Variants in PEX5L observed in about 807,000 individuals in gnomAD.
The protein encoded by PEX5L is PEX5-related protein.
In PEX5L, 30 loss-of-function variants were observed where a neutral mutation model predicts 84.0. That is an observed-to-expected ratio of 0.36 (90% CI 0.27 to 0.48). The LOEUF (loss-of-function observed/expected upper bound fraction) is 0.48. Ranked by LOEUF, PEX5L falls within the 20% of genes least tolerant of loss-of-function variation. The pLI, the probability that PEX5L is intolerant of heterozygous loss-of-function variation, is 0.99. For missense variants in PEX5L, 533 were observed against 754.6 expected, an observed-to-expected ratio of 0.71 and a Z score of 3.44; for synonymous variants, 270 against 283.1, an observed-to-expected ratio of 0.95 and a Z score of 0.46.
At chr3:179,996,143 C>T (rs1412126344) in intron 1 of PEX5L, among the ~76,000 whole-genome samples, 1 of 152,046 alleles carries the variant, frequency 6.6e-6, no homozygotes, top group Non-Finnish European at 1.5e-5. Flanking sequence ...CCCCCAACAC[C>T]CCTGTTAGCT....
At chr3:179,844,467 T>A (rs1348628560) in intron 8 of PEX5L, among the ~76,000 whole-genome samples, 3 of 152,160 alleles carry the variant, frequency 2.0e-5, no homozygotes. Flanking sequence ...CAAAAATAGA[T>A]CATTTTGGAA....
At chr3:179,967,005 T>C (rs1534024) in intron 2 of PEX5L, among the ~76,000 whole-genome samples, 119,309 of 152,184 alleles carry the variant, frequency 0.78, 47,320 homozygotes, top group East Asian at 0.96. Context: ...GGCATTTATC[T>C]CCTGACAAAG....
At chr3:179,956,819 G>T (rs532186068) in intron 2 of PEX5L, among the ~76,000 whole-genome samples, 1 of 152,314 alleles carries the variant, frequency 6.6e-6, no homozygotes, top group African/African-American at 2.4e-5. Context: ...GATATGAAAA[G>T]ATGACACTGC....
At chr3:179,866,495 T>C (rs1332482485) in intron 7 of PEX5L, among the ~76,000 whole-genome samples, 1 of 152,200 alleles carries the variant, frequency 6.6e-6, no homozygotes, top group Non-Finnish European at 1.5e-5. Flanking sequence ...TAAGGACTGA[T>C]GATAACAATT....
At chr3:179,935,750 G>T (rs994711741) in intron 2 of PEX5L, among the ~76,000 whole-genome samples, 6 of 151,938 alleles carry the variant, frequency 3.9e-5, no homozygotes, top group Non-Finnish European at 8.8e-5. Context: ...TTTAAGAGGT[G>T]GAGCCTGATG....
chr3:179,809,325 G>A (rs1310615685), intron 12 of PEX5L, 146 bp downstream of exon 12: 3 of 638,388 alleles, frequency 4.7e-6, no homozygotes, highest in Non-Finnish European at 8.4e-6. Flanking sequence ...TCTTTCTAAC[G>A]AGTGATGCTC....
intron 2 of PEX5L, among the ~76,000 whole-genome samples, chr3:179,942,793 C>A (rs1776510091): frequency 6.6e-6 from 1 of 152,236 alleles, no homozygotes; most frequent in East Asian, 1.9e-4. Context: ...TGAGCTAGAA[C>A]AACCAAAGGA....
chr3:179,825,498 A>T (rs1260115599), intron 8 of PEX5L, among the ~76,000 whole-genome samples: 1 of 152,214 alleles, frequency 6.6e-6, no homozygotes, highest in African/African-American at 2.4e-5. Flanking sequence ...GCCAAACGGG[A>T]AGGCTCAAAA....
chr3:179,886,029 C>T (rs1461200684), intron 4 of PEX5L, among the ~76,000 whole-genome samples: 2 of 152,166 alleles, frequency 1.3e-5, no homozygotes, highest in Non-Finnish European at 2.9e-5. Context: ...ACAGGTCTCT[C>T]TTCCATATGT....
At chr3:179,857,424 T>TA (rs1157052315) in intron 8 of PEX5L, among the ~76,000 whole-genome samples, 1 of 152,190 alleles carries the variant, frequency 6.6e-6, no homozygotes, top group Non-Finnish European at 1.5e-5. Context: ...AAGAAGTGAG[T>TA]AGCCCCTAAT....
At chr3:180,020,466 T>A (rs1790332983) in intron 1 of PEX5L, among the ~76,000 whole-genome samples, 1 of 152,096 alleles carries the variant, frequency 6.6e-6, no homozygotes, top group Non-Finnish European at 1.5e-5. Context: ...TTAAGTACTA[T>A]CTCAAAATGT....
intron 10 of PEX5L, among the ~76,000 whole-genome samples, chr3:179,813,878 T>G (rs1307223623): frequency 2.0e-5 from 3 of 151,144 alleles, no homozygotes; most frequent in African/African-American, 4.9e-5. Context: ...GGGTTTCACC[T>G]TGTTAGCCAG....
At chr3:179,909,646 A>G (rs1764488999) in intron 2 of PEX5L, among the ~76,000 whole-genome samples, 1 of 152,204 alleles carries the variant, frequency 6.6e-6, no homozygotes, top group South Asian at 2.1e-4. Context: ...TTCCTATCTC[A>G]TAGATACTAA....
At chr3:179,825,236 T>G (rs1216352896) in intron 8 of PEX5L, among the ~76,000 whole-genome samples, 1 of 152,186 alleles carries the variant, frequency 6.6e-6, no homozygotes, top group Non-Finnish European at 1.5e-5. Context: ...AGCTTTGTTT[T>G]GCAGATGGCA....
intron 1 of PEX5L, among the ~76,000 whole-genome samples, chr3:179,988,557 T>C (rs1467179960): frequency 6.6e-6 from 1 of 152,160 alleles, no homozygotes; most frequent in Admixed American, 6.6e-5. Flanking sequence ...CCCACATCTG[T>C]TAAACTTAAT....
At chr3:179,802,550 A>AAAAAAAAAAG (rs1553813985) in intron 14 of PEX5L, among the ~76,000 whole-genome samples, 324 of 131,244 alleles carry the variant, frequency 2.5e-3, no homozygotes, top group East Asian at 4.3e-3. Context: ...AAAAAAAAAA[A>AAAAAAAAAAG]AAAAGAAAAG....
At position 180,010,265 on chromosome 3, in the gene PEX5L, TTC is replaced by T. The variant is rs1324349530; in HGVS notation, c.21+26312_21+26313del. Among the ~76,000 whole-genome samples, 114 of 138,834 alleles carry T rather than the reference TTC, an allele frequency of 8.2e-4. 3 individuals are homozygous for T. The East Asian group carries it at 0.019, about 23-fold the overall frequency. 91.1% of individuals were successfully genotyped at this position (138,834 alleles called of 152,430 possible). A position where few individuals can be genotyped will look rare whatever the true frequency, so the allele number is the denominator to read the frequency against. ...CGGCCTCTTTTTTTTTTTTTTTTTTTTCTGTAGAGATGGAGGTCTTACTATGT... is the reference window on the plus strand; with the variant it reads ...CGGCCTCTTTTTTTTTTTTTTTTTTTTGTAGAGATGGAGGTCTTACTATGT... On this transcript the variant is annotated intron_variant, in intron 1 of 14. Transcript: ENST00000467460.
intron 1 of PEX5L, chr3:179,973,339 A>AT: frequency 8.1e-7 from 1 of 1,228,760 alleles, no homozygotes; most frequent in South Asian, 1.5e-5. Context: ...AACAGCATTA[A>AT]TAATGTACAA....
At chr3:179,879,661 T>G (rs1753567395) in intron 5 of PEX5L, among the ~76,000 whole-genome samples, 1 of 152,240 alleles carries the variant, frequency 6.6e-6, no homozygotes, top group Non-Finnish European at 1.5e-5. Context: ...TATTTGTAAC[T>G]TTAGTGCCTA....
Sources: gnomAD v4.1 joint callset for allele counts (sites outside exome capture counted in the v4.1 genomes callset) on GRCh38, gnomAD v4.1.1 for gene constraint, MANE v1.5 for transcripts, NCBI Gene and HGNC (gene_info 2026-07-23, HGNC 2026-07-21) for gene names.